Variants in RAPGEF1 observed in about 807,000 individuals in gnomAD.
RAPGEF1 encodes CRK SH3-binding GNRP.
RAPGEF1 carries 33 observed loss-of-function variants against 143.3 expected under a neutral mutation model. That is an observed-to-expected ratio of 0.23 (90% CI 0.17 to 0.31). The LOEUF (loss-of-function observed/expected upper bound fraction) is 0.31, where lower values mean the gene tolerates loss of function less well. RAPGEF1 is among the 10% of genes least tolerant of loss of function. RAPGEF1 has a pLI of 1.00. For synonymous variants in RAPGEF1, 629 were observed against 676.5 expected (o/e 0.93, Z 1.09); for missense variants, 1,199 against 1,645.4 (o/e 0.73, Z 4.69).
intron 15 of RAPGEF1, among the ~76,000 whole-genome samples, chr9:131,601,822 G>A (rs1466957420): frequency 6.6e-6 from 1 of 152,188 alleles, no homozygotes; most frequent in East Asian, 1.9e-4. Context: ...TGGGAGGATC[G>A]CTTGAGCCCG....
intron 15 of RAPGEF1, 81 bp downstream of exon 15, chr9:131,601,980 C>T (rs1956341599): frequency 1.0e-6 from 1 of 963,024 alleles, no homozygotes; most frequent in African/African-American, 2.1e-5. Flanking sequence ...TAGGGGCTAG[C>T]TGGGAGAGGC....
Position 131,579,527 on chromosome 9 carries a change from C to T in RAPGEF1, c.3762G>A (p.Arg1254=). ...TCTTCTCTTCCCGGTCTGTTTTTCT[C>T]CTTGTTATGTTCCTGGGTTTAATTT... ...SLKIKPRNIT[R]RKTDREEKT is the part of the protein sequence containing the mutation. The change falls in exon 27 of 27, where the codon AGG becomes AGA. Residue 1254 remains arginine, a synonymous_variant. Coordinates refer to ENST00000683357, the MANE Select transcript of RAPGEF1 (RefSeq NM_001377935.1). The T allele has an allele frequency of 1.2e-6, 2 of 1,614,016 alleles. No individual in the cohort carries two copies. Among genetic ancestry groups the T allele is most frequent in the African/African-American group, 1.3e-5 (1 of 75,062 alleles).
At chr9:131,636,034 C>T (rs1966283467) in intron 5 of RAPGEF1, among the ~76,000 whole-genome samples, 1 of 152,212 alleles carries the variant, frequency 6.6e-6, no homozygotes, top group South Asian at 2.1e-4. Flanking sequence ...TCCTGTCCAT[C>T]CTCCAGATGC....
At chr9:131,679,917 CG>C (rs1832767064) in intron 1 of RAPGEF1, among the ~76,000 whole-genome samples, 1 of 152,182 alleles carries the variant, frequency 6.6e-6, no homozygotes, top group Non-Finnish European at 1.5e-5. Context: ...AAGTGGGAAG[CG>C]AGTCACAGGC....
chr9:131,725,429 G>A (rs2874256), intron 1 of RAPGEF1: 42,226 of 152,218 alleles, frequency 0.28, 6,364 homozygotes, highest in Non-Finnish European at 0.34. Context: ...CTTAGTCCCT[G>A]AGTAGCTGGG....
intron 3 of RAPGEF1, among the ~76,000 whole-genome samples, chr9:131,644,877 T>A (rs745828839): frequency 2.6e-5 from 4 of 152,236 alleles, no homozygotes; most frequent in Admixed American, 6.5e-5. Context: ...GGCTTTTATT[T>A]CATGGGAATG....
intron 1 of RAPGEF1, among the ~76,000 whole-genome samples, chr9:131,661,867 C>T (rs1974191749): frequency 6.6e-6 from 1 of 152,138 alleles, no homozygotes; most frequent in Non-Finnish European, 1.5e-5. Flanking sequence ...AAGATAACAC[C>T]TACATAAATG....
chr9:131,697,136 T>A (rs1446511293), intron 1 of RAPGEF1, among the ~76,000 whole-genome samples: 1 of 152,230 alleles, frequency 6.6e-6, no homozygotes, highest in African/African-American at 2.4e-5. Flanking sequence ...ATGAGCTTGC[T>A]GAAAGCGCAG....
intron 1 of RAPGEF1, among the ~76,000 whole-genome samples, chr9:131,721,762 G>A (rs1326229095): frequency 6.6e-6 from 1 of 151,744 alleles, no homozygotes; most frequent in East Asian, 1.9e-4. Flanking sequence ...CTTTTTTCTT[G>A]TCAATATTCC....
chr9:131,671,556 C>T lies in RAPGEF1; in HGVS notation c.62-20607G>A, dbSNP rs186848720. On this transcript the variant is annotated intron_variant, in intron 1 of 26. Coordinates refer to ENST00000683357, the MANE Select transcript of RAPGEF1 (RefSeq NM_001377935.1). Reference sequence around the variant, plus strand: ...GGCACTGGAATGCAGGCTCTGCACTCAGGTGGTCTATAAGCTGACAAGAAA... The same window carrying T: ...GGCACTGGAATGCAGGCTCTGCACTTAGGTGGTCTATAAGCTGACAAGAAA... 1.5e-3 allele frequency among the ~76,000 whole-genome samples: 236 copies of T among 152,368 alleles called. 1 individual carries two copies. Among genetic ancestry groups the T allele is most frequent in the African/African-American group, 5.5e-3 (229 of 41,586 alleles).
chr9:131,642,590 C>T (rs1327072524), intron 4 of RAPGEF1, among the ~76,000 whole-genome samples: 1 of 152,232 alleles, frequency 6.6e-6, no homozygotes, highest in African/African-American at 2.4e-5. Context: ...TGCAGGAGGC[C>T]TGTTTGGATA....
At chr9:131,730,010 T>A (rs1012024998) in intron 1 of RAPGEF1, among the ~76,000 whole-genome samples, 4 of 151,374 alleles carry the variant, frequency 2.6e-5, no homozygotes, top group African/African-American at 9.7e-5. Flanking sequence ...CTGGCTAACA[T>A]GGTGAAACCC....
At chr9:131,619,651 C>T (rs557811605) in intron 11 of RAPGEF1, among the ~76,000 whole-genome samples, 10 of 152,320 alleles carry the variant, frequency 6.6e-5, no homozygotes, top group African/African-American at 1.9e-4. Flanking sequence ...TAAAGGTCTC[C>T]GTGCCTCAGG....
In RAPGEF1 at chr9:131,579,569, T is replaced by A. The variant is rs200892914; in HGVS notation, c.3720A>T (p.Leu1240=). ...DFSDHLAEEA[L]WELSLKIKPR... ...GTTTAATTTTCAGAGACAGTTCCCA[T>A]AGGGCCTCCTCAGCCAGGTGGTCAC... Residue 1240 remains leucine (L), a synonymous_variant, in exon 27 of 27, where the codon CTA becomes CTT. Coordinates refer to ENST00000683357, the MANE Select transcript of RAPGEF1 (RefSeq NM_001377935.1). 6.2e-7 allele frequency: 1 copy of A among 1,614,024 alleles called. No homozygotes were observed. The highest frequency in any genetic ancestry group is 1.7e-5 in the Admixed American group (1 of 60,032).
intron 1 of RAPGEF1, among the ~76,000 whole-genome samples, chr9:131,698,696 C>T (rs1415527930): frequency 2.6e-5 from 4 of 152,346 alleles, no homozygotes; most frequent in African/African-American, 9.6e-5. Context: ...TGTGCGGCTT[C>T]TGACCTGGGG....
At chr9:131,697,443 G>C (rs986085733) in intron 1 of RAPGEF1, among the ~76,000 whole-genome samples, 6 of 152,228 alleles carry the variant, frequency 3.9e-5, no homozygotes, top group East Asian at 1.9e-4. Flanking sequence ...GAAGTGGCTT[G>C]CAGCGGCTCT....
chr9:131,668,463 G>C (rs12056965), intron 1 of RAPGEF1, among the ~76,000 whole-genome samples: 1 of 152,306 alleles, frequency 6.6e-6, no homozygotes, highest in East Asian at 1.9e-4. Context: ...GCTAACATCA[G>C]AGGGGAGGTA....
At chr9:131,632,341 G>A (rs982202994) in intron 5 of RAPGEF1, among the ~76,000 whole-genome samples, 71 of 143,404 alleles carry the variant, frequency 5.0e-4, no homozygotes, top group South Asian at 1.1e-3. Context: ...GGGTTTCACC[G>A]TGGTCTCGAT....
At chr9:131,613,118 G>A (rs1233416454) in intron 12 of RAPGEF1, among the ~76,000 whole-genome samples, 1 of 152,224 alleles carries the variant, frequency 6.6e-6, no homozygotes, top group Non-Finnish European at 1.5e-5. Context: ...TGCTGGTTGT[G>A]CGTCACGTAC....
Sources: allele counts gnomAD v4.1 joint callset (sites outside exome capture counted in the v4.1 genomes callset), GRCh38; gene constraint gnomAD v4.1.1; transcripts MANE v1.5; gene names NCBI Gene and HGNC (gene_info 2026-07-23, HGNC 2026-07-21).